Variants in RAB31 observed in about 807,000 individuals in gnomAD.
RAB31 encodes the protein ras-related protein Rab-31.
In RAB31, 21 loss-of-function variants were observed where a neutral mutation model predicts 25.6. The ratio of observed to expected loss-of-function variants is 0.82; its 90% CI spans 0.58 to 1.18. The LOEUF (loss-of-function observed/expected upper bound fraction) is 1.18, where lower values mean the gene tolerates loss of function less well. Among genes scored for constraint, RAB31 ranks in the 50% most tolerant of loss-of-function variants. The pLI, the probability that RAB31 is intolerant of heterozygous loss-of-function variation, is 0.00. For missense variants in RAB31, 196 were observed against 250.1 expected (o/e 0.78, Z 1.46); for synonymous variants, 87 against 84.0 (o/e 1.04, Z -0.20).
At position 9,720,361 on chromosome 18, in the gene RAB31, C is replaced by T. The variant is rs139745211; in HGVS notation, c.39+11917C>T. Among the ~76,000 whole-genome samples, 14 of 152,258 alleles carry T rather than the reference C, an allele frequency of 9.2e-5. No homozygotes were observed. In the East Asian group the frequency reaches 9.6e-4, roughly 10 times the overall value. Reference sequence around the variant, plus strand: ...TAACAATGTCCTTGGCCTGCTAGGGCGTACATGGGAAAAGTTAGGTAACAG... The same window carrying T: ...TAACAATGTCCTTGGCCTGCTAGGGTGTACATGGGAAAAGTTAGGTAACAG... On this transcript the variant is annotated intron_variant, in intron 1 of 6. Transcript: ENST00000578921.
intron 1 of RAB31, among the ~76,000 whole-genome samples, chr18:9,709,746 G>C (rs1432611914): frequency 3.3e-5 from 5 of 152,186 alleles, no homozygotes; most frequent in Non-Finnish European, 7.3e-5. Flanking sequence ...CCCCCGACTT[G>C]CTCAGCCACA....
intron 6 of RAB31, among the ~76,000 whole-genome samples, chr18:9,848,862 C>G (rs1431051818): frequency 6.6e-6 from 1 of 152,198 alleles, no homozygotes; most frequent in African/African-American, 2.4e-5. Context: ...AATGGGACAA[C>G]TGTGTTTTCT....
At chr18:9,716,936 T>TCTTTCTTTCTTTCTTTCTTTCTTTC (rs1234118599) in intron 1 of RAB31, among the ~76,000 whole-genome samples, 1 of 151,512 alleles carries the variant, frequency 6.6e-6, no homozygotes. Flanking sequence ...CTTTCTTTTT[T>TCTTTCTTTCTTTCTTTCTTTCTTTC]TTTTGGTAGA....
chr18:9,825,389 T>C (rs1407061164), intron 5 of RAB31, among the ~76,000 whole-genome samples: 1 of 152,146 alleles, frequency 6.6e-6, no homozygotes, highest in Non-Finnish European at 1.5e-5. Context: ...GTCCTTTTCC[T>C]GGGTCTGGTG....
At chr18:9,720,719 A>G (rs1259608367) in intron 1 of RAB31, among the ~76,000 whole-genome samples, 1 of 148,766 alleles carries the variant, frequency 6.7e-6, no homozygotes, top group South Asian at 2.1e-4. Context: ...TTTAGTGAGC[A>G]TGTATTACTT....
At chr18:9,806,192 G>A (rs968385308) in intron 3 of RAB31, among the ~76,000 whole-genome samples, 18 of 150,578 alleles carry the variant, frequency 1.2e-4, no homozygotes, top group Non-Finnish European at 1.9e-4. Flanking sequence ...AAAAAAAGAA[G>A]AGCTGTGTGT....
chr18:9,842,587 C>T (rs1010209404), intron 5 of RAB31, among the ~76,000 whole-genome samples: 1 of 152,192 alleles, frequency 6.6e-6, no homozygotes, highest in Non-Finnish European at 1.5e-5. Flanking sequence ...CTTTCACTGG[C>T]CCTCCAGATT....
rs79740919 is a variant in RAB31 at position 9,801,228 on chromosome 18, C to A, written c.201+8993C>A. Reference sequence around the variant, plus strand: ...CAGTTGATGGATATCCACTTTCCCCCAACTTTTTGGCTATTATGAATAGCT... The same window carrying A: ...CAGTTGATGGATATCCACTTTCCCCAAACTTTTTGGCTATTATGAATAGCT... On this transcript the variant is annotated intron_variant, in intron 3 of 6. Coordinates refer to ENST00000578921, the MANE Select transcript of RAB31 (RefSeq NM_006868.4). 6.1e-3 allele frequency among the ~76,000 whole-genome samples: 921 copies of A among 152,214 alleles called. 10 individuals are homozygous for A. The highest frequency in any genetic ancestry group is 0.021 in the African/African-American group (876 of 41,518).
chr18:9,721,223 C>G (rs2068072093), intron 1 of RAB31, among the ~76,000 whole-genome samples: 1 of 152,104 alleles, frequency 6.6e-6, no homozygotes, highest in African/African-American at 2.4e-5. Context: ...CTGTATCTTC[C>G]AGGTCATCAT....
intron 1 of RAB31, among the ~76,000 whole-genome samples, chr18:9,745,816 TCCTGTTCAATGGC>T (rs2068202612): frequency 6.6e-6 from 1 of 152,208 alleles, no homozygotes; most frequent in Non-Finnish European, 1.5e-5. Context: ...ACAGCTAGCA[TCCTGTTCAATGGC>T]AAAAGACTTG....
intron 6 of RAB31, among the ~76,000 whole-genome samples, chr18:9,846,882 T>C (rs914339310): frequency 6.6e-6 from 1 of 152,228 alleles, no homozygotes; most frequent in African/African-American, 2.4e-5. Context: ...AAAGAATGGC[T>C]TGGAGCCTCC....
rs865939434 is a variant in RAB31, at chr18:9,861,816, C to T, written c.*2491C>T. 4 of 152,230 alleles carry T rather than the reference C, an allele frequency of 2.6e-5. No homozygotes were observed. The highest frequency in any genetic ancestry group is 2.1e-4 in the South Asian group (1 of 4,800). 9.4% of individuals were successfully genotyped at this position (152,230 alleles called of 1,614,324 possible). On this transcript the variant is annotated 3_prime_UTR_variant, in exon 7 of 7. Transcript: ENST00000578921. Reference sequence around the variant, plus strand: ...AAATATGATTGTATATGTGTTACTCCGATATGTAATCCATTTCACTGGCTG... The same window carrying T: ...AAATATGATTGTATATGTGTTACTCTGATATGTAATCCATTTCACTGGCTG...
intron 1 of RAB31, among the ~76,000 whole-genome samples, chr18:9,722,013 A>C (rs1275253819): frequency 6.6e-6 from 1 of 152,098 alleles, no homozygotes; most frequent in East Asian, 1.9e-4. Context: ...AGGCTGGAGC[A>C]GGGTGGATGT....
At chr18:9,792,256 G>T in intron 3 of RAB31, 21 bp downstream of exon 3, 1 of 1,600,946 alleles carries the variant, frequency 6.2e-7, no homozygotes, top group Non-Finnish European at 8.5e-7. Context: ...GCTGTTTTTT[G>T]GTGAAAACAA....
chr18:9,794,095 A>G (rs1034019641), intron 3 of RAB31, among the ~76,000 whole-genome samples: 3 of 152,066 alleles, frequency 2.0e-5, no homozygotes, highest in East Asian at 1.9e-4. Flanking sequence ...AGGTCTTGCT[A>G]TGTTGCCCAG....
At chr18:9,761,020 A>G (rs776390033) in intron 1 of RAB31, among the ~76,000 whole-genome samples, 4 of 152,172 alleles carry the variant, frequency 2.6e-5, no homozygotes, top group African/African-American at 7.2e-5. Flanking sequence ...CTGATCTTGG[A>G]TGCTGTGATA....
intron 5 of RAB31, among the ~76,000 whole-genome samples, chr18:9,837,901 G>C (rs534732674): frequency 6.6e-6 from 1 of 152,240 alleles, no homozygotes; most frequent in South Asian, 2.1e-4. Flanking sequence ...GAGCTCTCCT[G>C]GGCATAAAAT....
intron 1 of RAB31, among the ~76,000 whole-genome samples, chr18:9,752,534 C>G (rs995561999): frequency 2.0e-5 from 3 of 152,144 alleles, no homozygotes; most frequent in African/African-American, 7.2e-5. Flanking sequence ...CCAGCTCGGC[C>G]CTTTAAATGG....
At chr18:9,773,819 C>T (rs1030265243) in intron 1 of RAB31, among the ~76,000 whole-genome samples, 5 of 152,052 alleles carry the variant, frequency 3.3e-5, no homozygotes, top group Admixed American at 6.6e-5. Flanking sequence ...TCGCCACACC[C>T]GGCTAATTTT....
Sources: allele counts gnomAD v4.1 joint callset (sites outside exome capture counted in the v4.1 genomes callset), GRCh38; gene constraint gnomAD v4.1.1; transcripts MANE v1.5; gene names NCBI Gene and HGNC (gene_info 2026-07-23, HGNC 2026-07-21).